RIMBP2: variants seen among roughly 807,000 people sequenced by gnomAD.
The protein encoded by RIMBP2 is RIMS binding protein 2, also known as RIMS-binding protein 2.
A neutral mutation model predicts 118.6 loss-of-function variants in RIMBP2; 48 were observed. That is an observed-to-expected ratio of 0.40 (90% CI 0.32 to 0.51). The LOEUF (loss-of-function observed/expected upper bound fraction) is 0.51. RIMBP2 is among the 20% of genes least tolerant of loss of function. The pLI, the probability that RIMBP2 is intolerant of heterozygous loss-of-function variation, is 0.41. For synonymous variants in RIMBP2, 762 were observed against 742.9 expected (o/e 1.03, Z -0.42); for missense variants, 1,551 against 1,768.3 (o/e 0.88, Z 2.20).
At chr12:130,696,427 C>A (rs2065580335) in intron 1 of RIMBP2, among the ~76,000 whole-genome samples, 1 of 152,218 alleles carries the variant, frequency 6.6e-6, no homozygotes, top group Admixed American at 6.5e-5. Context: ...AAATTACTGA[C>A]ATTAAACCTG....
rs1486505607 is a variant in RIMBP2, at chr12:130,437,264, C to T, written c.1684G>A (p.Asp562Asn). The change falls in exon 13 of 23, where the codon GAC (aspartate) becomes AAC (asparagine). Residue 562 changes from aspartate (D) to asparagine (N), a missense_variant. Asp to Asn is a conservative substitution (Grantham distance 23). Transcript: ENST00000690449. ...RVAEVIFPTA[D>N]STAVELVRLR... is the part of the protein sequence containing the mutation. ...CGCACAAGCTCCACGGCCGTGCTGT[C>T]TGCCGTGGGGAAGATGACTTCAGCC... is the stretch of plus-strand genomic sequence containing the variant. 9 of 1,581,880 alleles carry T rather than the reference C, an allele frequency of 5.7e-6. No homozygotes were observed. The highest frequency in any genetic ancestry group is 1.3e-5 in the African/African-American group (1 of 74,760).
At chr12:130,560,722 C>T (rs530913294) in intron 2 of RIMBP2, among the ~76,000 whole-genome samples, 4 of 152,326 alleles carry the variant, frequency 2.6e-5, no homozygotes, top group African/African-American at 9.6e-5. Context: ...TTCAAAGTAA[C>T]GTTCAACAGG....
chr12:130,599,660 C>T (rs751261929), intron 2 of RIMBP2, among the ~76,000 whole-genome samples: 1 of 152,174 alleles, frequency 6.6e-6, no homozygotes. Flanking sequence ...TACTGCTAAT[C>T]GGAGTATATA....
intron 11 of RIMBP2, among the ~76,000 whole-genome samples, chr12:130,441,302 G>A (rs1480412230): frequency 1.3e-5 from 2 of 151,830 alleles, no homozygotes; most frequent in African/African-American, 2.4e-5. Context: ...TCAGGAGGCT[G>A]AGGCAGGAGA....
At chr12:130,524,677 G>A (rs1196509669) in intron 2 of RIMBP2, among the ~76,000 whole-genome samples, 1 of 152,224 alleles carries the variant, frequency 6.6e-6, no homozygotes, top group African/African-American at 2.4e-5. Flanking sequence ...ACTGTCCTGG[G>A]TGTTAAGGGG....
intron 2 of RIMBP2, among the ~76,000 whole-genome samples, chr12:130,577,181 C>T (rs1296510692): frequency 1.3e-5 from 2 of 152,166 alleles, no homozygotes; most frequent in Non-Finnish European, 2.9e-5. Context: ...GCTCTCTGCA[C>T]CTGTCTTCTC....
rs2074133148 is a variant in RIMBP2 at position 130,397,232 on chromosome 12, A to C, written c.*129T>G. The C allele has an allele frequency of 2.6e-6, 1 of 391,904 alleles. No individual in the cohort carries two copies. The highest frequency in any genetic ancestry group is 4.5e-6 in the Non-Finnish European group (1 of 222,246). The allele number at this position is 391,904 out of a possible 1,614,324, so 24.3% of individuals were successfully genotyped here. A position where few individuals can be genotyped will look rare whatever the true frequency, so the allele number is the denominator to read the frequency against. On this transcript the variant is annotated 3_prime_UTR_variant, in exon 23 of 23. Transcript: ENST00000690449. ...TTGGTTTAAAGTGGTTGGTAGTGCAAAAGTGCATTTCTCTACTGGTGTCAG... is the reference window on the plus strand; with the variant it reads ...TTGGTTTAAAGTGGTTGGTAGTGCACAAGTGCATTTCTCTACTGGTGTCAG...
Position 130,631,105 on chromosome 12 carries a change from TAAAG to T in RIMBP2, c.-351-2653_-351-2650del, listed in dbSNP as rs1259764938. ...ACAAGATTACAAAGAGCTTTAGAAATAAAGAATCTAGAGAAAAGAGAGACTCAAG... is the reference window on the plus strand; with the variant it reads ...ACAAGATTACAAAGAGCTTTAGAAATAATCTAGAGAAAAGAGAGACTCAAG... On this transcript the variant is annotated intron_variant, in intron 1 of 22. Transcript: ENST00000690449. Among the ~76,000 whole-genome samples, 20 of 152,184 alleles carry T rather than the reference TAAAG, an allele frequency of 1.3e-4. 1 individual carries two copies. In the East Asian group the frequency reaches 3.9e-3, roughly 30 times the overall value.
At chr12:130,662,978 A>C (rs905867770) in intron 1 of RIMBP2, among the ~76,000 whole-genome samples, 27 of 152,230 alleles carry the variant, frequency 1.8e-4, no homozygotes, top group African/African-American at 6.5e-4. Context: ...TGGATGTCCC[A>C]GCTGTTCCAT....
At position 130,589,320 on chromosome 12, in the gene RIMBP2, T is replaced by C. The variant is rs543178819; in HGVS notation, c.-217+39002A>G. Among the ~76,000 whole-genome samples the C allele has an allele frequency of 7.9e-5, 12 of 152,222 alleles. No homozygotes were observed. The South Asian group carries it at 2.5e-3, about 32-fold the overall frequency. On this transcript the variant is annotated intron_variant, in intron 2 of 22. Transcript: ENST00000690449. ...ACAACACACGCTTTGTTCTGTTTTG[T>C]TTTGCTTTCTGCTAAAATGAATAGA...
At chr12:130,486,413 T>G (rs1265805209) in intron 4 of RIMBP2, among the ~76,000 whole-genome samples, 2 of 152,130 alleles carry the variant, frequency 1.3e-5, no homozygotes. Flanking sequence ...CTTAGCCAGC[T>G]TTGAGGTTTT....
intron 4 of RIMBP2, 65 bp from the exon 5 acceptor site, chr12:130,479,081 C>A (rs1466134933): frequency 1.5e-6 from 2 of 1,329,858 alleles, no homozygotes; most frequent in Non-Finnish European, 2.1e-6. Flanking sequence ...GCATCCTATA[C>A]CCTGCACCAA....
At chr12:130,510,558 T>TC (rs1268974306) in intron 3 of RIMBP2, among the ~76,000 whole-genome samples, 4 of 152,126 alleles carry the variant, frequency 2.6e-5, no homozygotes, top group Non-Finnish European at 4.4e-5. Flanking sequence ...AACCTCCACC[T>TC]CCTGAGTTCA....
At position 130,420,592 on chromosome 12, in the gene RIMBP2, A is replaced by C. The variant is rs993089993; in HGVS notation, c.3238+1861T>G. ...AAAGCTTCTCACTGCTGATGAATGC[A>C]GTTTTAAAAAAAAAGTCTCAACAAT... is the stretch of plus-strand genomic sequence containing the variant. On this transcript the variant is annotated intron_variant, in intron 17 of 22. Coordinates refer to ENST00000690449, the MANE Select transcript of RIMBP2 (RefSeq NM_001393629.1). The surrounding 1 kb of genome is among the most constrained non-coding windows in gnomAD (Gnocchi z 4.3). 6.6e-6 allele frequency among the ~76,000 whole-genome samples: 1 copy of C among 152,224 alleles called. No homozygotes were observed. The highest frequency in any genetic ancestry group is 2.1e-4 in the South Asian group (1 of 4,834).
rs191438539 is a variant in RIMBP2 at position 130,471,125 on chromosome 12, A to C, written c.103-382T>G. Among the ~76,000 whole-genome samples the C allele has an allele frequency of 3.0e-3, 455 of 152,254 alleles. 8 individuals carry two copies. The highest frequency in any genetic ancestry group is 7.1e-4 in the Non-Finnish European group (48 of 68,004). ...CCCAGTCAGCTCTAGGTTCCCTGAGACCTCACCAGGCCCTGGAGGAGGGGC... is the reference window on the plus strand; with the variant it reads ...CCCAGTCAGCTCTAGGTTCCCTGAGCCCTCACCAGGCCCTGGAGGAGGGGC... On this transcript the variant is annotated intron_variant, in intron 5 of 22. Coordinates refer to ENST00000690449, the MANE Select transcript of RIMBP2 (RefSeq NM_001393629.1).
intron 2 of RIMBP2, among the ~76,000 whole-genome samples, chr12:130,589,817 T>G (rs1263431197): frequency 6.6e-6 from 1 of 152,146 alleles, no homozygotes; most frequent in African/African-American, 2.4e-5. Context: ...CCAGTGAAAA[T>G]TAGAGCCTAC....
intron 21 of RIMBP2, among the ~76,000 whole-genome samples, chr12:130,401,092 C>G (rs749153244): frequency 3.9e-5 from 6 of 152,038 alleles, no homozygotes; most frequent in Non-Finnish European, 8.8e-5. Context: ...CACTACTGAA[C>G]TATATACTTA....
chr12:130,705,381 C>G (rs1052778029), intron 1 of RIMBP2, among the ~76,000 whole-genome samples: 3 of 152,204 alleles, frequency 2.0e-5, no homozygotes, highest in Non-Finnish European at 4.4e-5. Flanking sequence ...GCACCACCGC[C>G]CTGTGCTTCC....
intron 14 of RIMBP2, among the ~76,000 whole-genome samples, chr12:130,432,841 C>G (rs573532343): frequency 5.9e-5 from 9 of 152,308 alleles, no homozygotes; most frequent in African/African-American, 2.2e-4. Flanking sequence ...ACGAGTACAA[C>G]AGTCAACAGA....
Sources: gnomAD v4.1 joint callset for allele counts (sites outside exome capture counted in the v4.1 genomes callset) on GRCh38, gnomAD v4.1.1 for gene constraint, Gnocchi (gnomAD v3.1) non-coding constraint, MANE v1.5 for transcripts, NCBI Gene and HGNC (gene_info 2026-07-23, HGNC 2026-07-21) for gene names.